The following SDK1 variants were observed in gnomAD, a reference collection of about 807,000 sequenced individuals.
SDK1 encodes the protein sidekick cell adhesion molecule 1.
A neutral mutation model predicts 245.5 loss-of-function variants in SDK1; 157 were observed. The observed-to-expected ratio is 0.64, with a 90% CI of 0.56 to 0.73. SDK1 has a LOEUF of 0.73. Among genes scored for constraint, SDK1 ranks in the 30% least tolerant of loss-of-function variants. The pLI is 0.00. For synonymous variants in SDK1, 1,647 were observed against 1,278.5 expected, an observed-to-expected ratio of 1.29 and a Z score of -6.15; for missense variants, 3,583 against 3,002.3, an observed-to-expected ratio of 1.19 and a Z score of -4.52.
intron 5 of SDK1, among the ~76,000 whole-genome samples, chr7:3,927,777 G>A (rs766110281): frequency 2.3e-4 from 35 of 152,148 alleles, no homozygotes; most frequent in Non-Finnish European, 3.4e-4. Flanking sequence ...AGATTTCTGA[G>A]GTATATACTT....
intron 1 of SDK1, among the ~76,000 whole-genome samples, chr7:3,305,129 G>A (rs1260587406): frequency 6.6e-6 from 1 of 152,142 alleles, no homozygotes; most frequent in African/African-American, 2.4e-5. Context: ...AAACTCAACA[G>A]AGTACACTAG....
intron 1 of SDK1, among the ~76,000 whole-genome samples, chr7:3,522,592 T>A (rs1470637871): frequency 1.3e-5 from 2 of 152,116 alleles, no homozygotes; most frequent in Non-Finnish European, 2.9e-5. Context: ...ATATGTTTAT[T>A]AAATCAGGGA....
chr7:4,006,833 G>A (rs542049641), intron 14 of SDK1, among the ~76,000 whole-genome samples: 1 of 152,332 alleles, frequency 6.6e-6, no homozygotes, highest in African/African-American at 2.4e-5. Context: ...CTGAGGCTGG[G>A]GTTCTGGACT....
chr7:4,154,101 A>C (rs1299139707), intron 30 of SDK1, among the ~76,000 whole-genome samples: 2 of 152,240 alleles, frequency 1.3e-5, no homozygotes, highest in African/African-American at 4.8e-5. Flanking sequence ...AAAATGAAGG[A>C]ATGGAGCTCC....
intron 4 of SDK1, among the ~76,000 whole-genome samples, chr7:3,806,291 T>TGTCCACATTAGGATGTGGAC: frequency 1.5e-5 from 2 of 130,780 alleles, no homozygotes; most frequent in African/African-American, 3.2e-5. Flanking sequence ...AGGATGTGGA[T>TGTCCACATTAGGATGTGGAC]GTCCACATTA....
At chr7:3,598,071 G>C (rs1583210897) in intron 1 of SDK1, among the ~76,000 whole-genome samples, 1 of 152,118 alleles carries the variant, frequency 6.6e-6, no homozygotes, top group African/African-American at 2.4e-5. Flanking sequence ...ATGAGTTGCA[G>C]TTGCTACACC....
At chr7:3,903,371 C>G (rs563428277) in intron 5 of SDK1, among the ~76,000 whole-genome samples, 1 of 152,252 alleles carries the variant, frequency 6.6e-6, no homozygotes, top group East Asian at 1.9e-4. Flanking sequence ...TCTCGATCAT[C>G]TGCTGACCTT....
chr7:3,934,850 A>C (rs184928786), intron 5 of SDK1, among the ~76,000 whole-genome samples: 1 of 152,308 alleles, frequency 6.6e-6, no homozygotes, highest in African/African-American at 2.4e-5. Context: ...AGGACACAGC[A>C]TGGAAAGGCA....
intron 4 of SDK1, among the ~76,000 whole-genome samples, chr7:3,666,823 T>C (rs763356220): frequency 6.6e-5 from 10 of 152,210 alleles, no homozygotes; most frequent in Non-Finnish European, 1.3e-4. Flanking sequence ...TGCCTTCCTA[T>C]CTCAGGTCTT....
intron 1 of SDK1, among the ~76,000 whole-genome samples, chr7:3,386,054 C>T (rs764576459): frequency 6.6e-5 from 10 of 151,658 alleles, no homozygotes; most frequent in African/African-American, 1.5e-4. Flanking sequence ...CTCAAATAAA[C>T]GATGGGAAAA....
chr7:3,817,364 T>C (rs575479725), intron 4 of SDK1, among the ~76,000 whole-genome samples: 3 of 152,344 alleles, frequency 2.0e-5, no homozygotes, highest in African/African-American at 7.2e-5. Context: ...CAGTGTGTCC[T>C]GGTTCAGGTT....
intron 44 of SDK1, among the ~76,000 whole-genome samples, chr7:4,249,325 C>T (rs559864250): frequency 6.6e-6 from 1 of 152,328 alleles, no homozygotes; most frequent in African/African-American, 2.4e-5. Flanking sequence ...CCCACCAGTC[C>T]TGCTCTCAGA....
intron 32 of SDK1, among the ~76,000 whole-genome samples, chr7:4,169,884 G>T (rs995890542): frequency 1.3e-5 from 2 of 152,258 alleles, no homozygotes; most frequent in African/African-American, 4.8e-5. Flanking sequence ...AGTCACACAG[G>T]ACAGATGCGC....
Position 4,127,504 on chromosome 7 carries a change from AT to A in SDK1, c.3939+9del. 6.3e-7 allele frequency: 1 copy of A among 1,596,998 alleles called. No individual in the cohort carries two copies. The highest frequency in any genetic ancestry group is 8.6e-7 in the Non-Finnish European group (1 of 1,164,430). On this transcript the variant is annotated intron_variant, in intron 26 of 44. Coordinates refer to ENST00000404826, the MANE Select transcript of SDK1 (RefSeq NM_152744.4). ...CTCATACTGGGCTACAAGGTGTGTGATCACAGGATGACCTCCCTTTGCTTAA... is the reference window on the plus strand; with the variant it reads ...CTCATACTGGGCTACAAGGTGTGTGACACAGGATGACCTCCCTTTGCTTAA...
At chr7:3,577,436 C>G (rs991956507) in intron 1 of SDK1, among the ~76,000 whole-genome samples, 5 of 151,906 alleles carry the variant, frequency 3.3e-5, no homozygotes, top group Non-Finnish European at 5.9e-5. Context: ...GAGACGTGCT[C>G]CCTTTACTGT....
At chr7:3,959,070 C>A in intron 8 of SDK1, 56 bp downstream of exon 8, 1 of 1,324,700 alleles carries the variant, frequency 7.5e-7, no homozygotes, top group Non-Finnish European at 1.1e-6. Flanking sequence ...AGGGAAACAA[C>A]CTTTTTCCAT....
intron 28 of SDK1, among the ~76,000 whole-genome samples, chr7:4,140,112 T>TCGTG (rs1172506487): frequency 1.2e-4 from 19 of 152,236 alleles, no homozygotes; most frequent in East Asian, 1.9e-4. Flanking sequence ...GTTCCCTTCC[T>TCGTG]CGTGCTCTGG....
At chr7:3,621,446 G>T (rs563664649) in intron 2 of SDK1, among the ~76,000 whole-genome samples, 1 of 152,326 alleles carries the variant, frequency 6.6e-6, no homozygotes, top group South Asian at 2.1e-4. Context: ...AGAAAGAAAG[G>T]AATGGAGTTT....
chr7:4,046,600 T>G (rs781518953), intron 17 of SDK1, among the ~76,000 whole-genome samples: 6 of 152,202 alleles, frequency 3.9e-5, no homozygotes, highest in African/African-American at 1.2e-4. Context: ...ACCAGTGATA[T>G]ATGTGTGAGT....
Sources: gnomAD v4.1 joint callset for allele counts (sites outside exome capture counted in the v4.1 genomes callset) on GRCh38, gnomAD v4.1.1 for gene constraint, MANE v1.5 for transcripts, NCBI Gene and HGNC (gene_info 2026-07-23, HGNC 2026-07-21) for gene names.